Variants in CSMD3 observed in about 807,000 individuals in gnomAD.
CSMD3 encodes the protein CUB and sushi domain-containing protein 3.
A neutral mutation model predicts 435.2 loss-of-function variants in CSMD3; 177 were observed. The observed-to-expected ratio is 0.41, with a 90% CI of 0.36 to 0.46. The LOEUF is 0.46. Ranked by LOEUF, CSMD3 falls within the 20% of genes least tolerant of loss-of-function variation. The pLI is 0.34. For missense variants in CSMD3, 4,265 were observed against 4,504.6 expected (o/e 0.95, Z 1.52); for synonymous variants, 1,656 against 1,520.5 (o/e 1.09, Z -2.07).
At chr8:112,465,261 A>T (rs57253861) in intron 32 of CSMD3, among the ~76,000 whole-genome samples, 2,655 of 152,274 alleles carry the variant, frequency 0.017, 80 homozygotes, top group African/African-American at 0.06. Context: ...AAAGGCCTCA[A>T]AATCAATACT....
At chr8:113,125,177 C>A (rs2091090986) in intron 4 of CSMD3, among the ~76,000 whole-genome samples, 1 of 151,890 alleles carries the variant, frequency 6.6e-6, no homozygotes, top group African/African-American at 2.4e-5. Context: ...ATAACTTAGT[C>A]TTTGAACAAG....
At chr8:112,537,034 G>T (rs1362780297) in intron 27 of CSMD3, among the ~76,000 whole-genome samples, 2 of 152,020 alleles carry the variant, frequency 1.3e-5, no homozygotes, top group Non-Finnish European at 2.9e-5. Context: ...TAGGGGGAAG[G>T]GGGAGGGATA....
intron 1 of CSMD3, among the ~76,000 whole-genome samples, chr8:113,355,269 A>G (rs933045878): frequency 6.6e-6 from 1 of 151,676 alleles, no homozygotes; most frequent in Non-Finnish European, 1.5e-5. Context: ...GTACATATAT[A>G]ACACACACAC....
intron 10 of CSMD3, 128 bp from the exon 11 acceptor site, chr8:112,859,394 G>T: frequency 1.3e-6 from 1 of 797,138 alleles, no homozygotes; most frequent in Non-Finnish European, 2.1e-6. Context: ...TATATATTAT[G>T]GTATTCTAAT....
chr8:112,417,848 A>G (rs1812078467), intron 32 of CSMD3, among the ~76,000 whole-genome samples: 3 of 152,186 alleles, frequency 2.0e-5, no homozygotes, highest in Admixed American at 6.5e-5. Flanking sequence ...ATAGTTCCAC[A>G]TAGAAGGAAG....
At chr8:113,300,238 A>G (rs564773982) in intron 2 of CSMD3, among the ~76,000 whole-genome samples, 3 of 152,164 alleles carry the variant, frequency 2.0e-5, no homozygotes, top group Non-Finnish European at 2.9e-5. Flanking sequence ...ATGAGAATGT[A>G]AATTAGTTCA....
At chr8:113,140,759 C>T (rs2091528770) in intron 4 of CSMD3, among the ~76,000 whole-genome samples, 1 of 150,630 alleles carries the variant, frequency 6.6e-6, no homozygotes, top group Non-Finnish European at 1.5e-5. Context: ...CAAACAAAAG[C>T]ACTAGAGAGA....
intron 3 of CSMD3, among the ~76,000 whole-genome samples, chr8:113,206,566 T>C (rs933519411): frequency 6.6e-6 from 1 of 152,126 alleles, no homozygotes; most frequent in South Asian, 2.1e-4. Flanking sequence ...TATTCTCCAG[T>C]ACCCCGAAAC....
At chr8:112,797,837 CA>C (rs1036623130) in intron 13 of CSMD3, among the ~76,000 whole-genome samples, 2 of 151,442 alleles carry the variant, frequency 1.3e-5, no homozygotes, top group Non-Finnish European at 1.5e-5. Flanking sequence ...TTTCACAGTA[CA>C]AAAAAAATCC....
intron 32 of CSMD3, among the ~76,000 whole-genome samples, chr8:112,430,267 A>G (rs1158574834): frequency 2.0e-5 from 3 of 152,070 alleles, no homozygotes; most frequent in East Asian, 3.9e-4. Flanking sequence ...GTGACAAAAA[A>G]ACAGATTAAG....
intron 32 of CSMD3, among the ~76,000 whole-genome samples, chr8:112,409,608 A>C (rs2130090145): frequency 6.6e-6 from 1 of 152,144 alleles, no homozygotes. Context: ...CTTCTGCCAA[A>C]ATAAAGAAAT....
At chr8:112,800,452 T>G (rs2078934271) in intron 12 of CSMD3, among the ~76,000 whole-genome samples, 178 bp from the exon 13 acceptor site, 1 of 152,078 alleles carries the variant, frequency 6.6e-6, no homozygotes, top group Non-Finnish European at 1.5e-5. Context: ...TGATCAAGGT[T>G]ATTATAAAAA....
intron 38 of CSMD3, among the ~76,000 whole-genome samples, chr8:112,379,208 G>T (rs1315032003): frequency 6.6e-6 from 1 of 152,158 alleles, no homozygotes; most frequent in Non-Finnish European, 1.5e-5. Flanking sequence ...GGTGGCTCAC[G>T]CCTGTAATCC....
chr8:113,269,263 G>T (rs2093498578), intron 3 of CSMD3, among the ~76,000 whole-genome samples: 1 of 152,006 alleles, frequency 6.6e-6, no homozygotes, highest in South Asian at 2.1e-4. Flanking sequence ...GGACGAGAAG[G>T]ACCTCTTCAA....
intron 45 of CSMD3, 91 bp from the exon 46 acceptor site, chr8:112,320,072 TA>T (rs1255280781): frequency 3.8e-6 from 3 of 780,716 alleles, no homozygotes; most frequent in African/African-American, 3.5e-5. Flanking sequence ...GAAAGTTGTT[TA>T]AAAAAATAAA....
intron 50 of CSMD3, among the ~76,000 whole-genome samples, chr8:112,308,808 ATAG>A (rs1349121268): frequency 6.6e-6 from 1 of 152,100 alleles, no homozygotes; most frequent in Non-Finnish European, 1.5e-5. Context: ...GTGTAACTTT[ATAG>A]CTCAAGTAAA....
intron 13 of CSMD3, among the ~76,000 whole-genome samples, chr8:112,785,258 A>G (rs1465437822): frequency 1.3e-5 from 2 of 151,996 alleles, no homozygotes; most frequent in African/African-American, 2.4e-5. Flanking sequence ...AGGAACATAC[A>G]TCAACAGAAT....
intron 5 of CSMD3, among the ~76,000 whole-genome samples, chr8:113,031,406 C>T (rs76189412): frequency 0.034 from 5,116 of 151,504 alleles, 231 homozygotes; most frequent in Middle Eastern, 0.051. Context: ...AAGGAAAAAG[C>T]GAATCTCAAA....
Position 112,587,117 on chromosome 8 carries a change from T to C in CSMD3, c.3834A>G (p.Gly1278=). 1 of 1,611,272 alleles carries C rather than the reference T, an allele frequency of 6.2e-7. No homozygotes were observed. The highest frequency in any genetic ancestry group is 1.1e-5 in the South Asian group (1 of 91,048). Residue 1278 remains glycine, a synonymous_variant, in exon 23 of 71, where the codon GGA becomes GGG. Coordinates refer to ENST00000297405, the MANE Select transcript of CSMD3 (RefSeq NM_198123.2). ...GAAATGTTCTGGCTGAAATATTGAT[T>C]CCCTTTCCTGCTTGAACCTGAATAC... ...IYSIQVQAGK[G]INISARTFHL... is the part of the protein sequence containing the mutation.
Sources: allele counts gnomAD v4.1 joint callset (sites outside exome capture counted in the v4.1 genomes callset), GRCh38; gene constraint gnomAD v4.1.1; transcripts MANE v1.5; gene names NCBI Gene and HGNC (gene_info 2026-07-23, HGNC 2026-07-21).